The following SETD7 variants were observed in gnomAD, a reference collection of about 807,000 sequenced individuals.
SETD7 encodes the protein SET domain containing 7, histone lysine methyltransferase, also known as histone-lysine N-methyltransferase SETD7.
In SETD7, 16 loss-of-function variants were observed where a neutral mutation model predicts 41.8. The ratio of observed to expected loss-of-function variants is 0.38; its 90% CI spans 0.26 to 0.58. SETD7 has a LOEUF of 0.58. Ranked by LOEUF, SETD7 falls within the 20% of genes least tolerant of loss-of-function variation. SETD7 has a pLI of 0.64. For missense variants in SETD7, 346 were observed against 459.7 expected, an observed-to-expected ratio of 0.75 and a Z score of 2.26; for synonymous variants, 163 against 169.7, an observed-to-expected ratio of 0.96 and a Z score of 0.31.
chr4:139,542,364 T>G (rs1362593764), intron 2 of SETD7, among the ~76,000 whole-genome samples: 1 of 152,166 alleles, frequency 6.6e-6, no homozygotes, highest in Non-Finnish European at 1.5e-5. Flanking sequence ...AGTAATATAT[T>G]GTATACTTCA....
intron 4 of SETD7, among the ~76,000 whole-genome samples, chr4:139,523,799 C>T (rs1324467420): frequency 6.6e-6 from 1 of 152,176 alleles, no homozygotes; most frequent in Non-Finnish European, 1.5e-5. Flanking sequence ...TGGTGGTTTT[C>T]TTCATTACAG....
In SETD7 at chr4:139,536,319, A is replaced by C. The variant is rs193267969; in HGVS notation, c.171-2953T>G. 3.8e-3 allele frequency among the ~76,000 whole-genome samples: 577 copies of C among 152,358 alleles called. 2 individuals are homozygous for C. The highest frequency in any genetic ancestry group is 5.9e-3 in the Non-Finnish European group (399 of 68,038). Reference sequence around the variant, plus strand: ...CCTTAAGGCCAGCCGGGGGAAAAAAAGTTATGATTTTTTTTCTTTTCTTTT... The same window carrying C: ...CCTTAAGGCCAGCCGGGGGAAAAAACGTTATGATTTTTTTTCTTTTCTTTT... On this transcript the variant is annotated intron_variant, in intron 2 of 7. Transcript: ENST00000274031.
chr4:139,493,343 C>T (rs948582837), downstream of SETD7, among the ~76,000 whole-genome samples: 2 of 152,022 alleles, frequency 1.3e-5, 1 homozygote, highest in African/African-American at 4.8e-5. Context: ...GGTATAAAGG[C>T]CTGGATCCAG....
intron 4 of SETD7, among the ~76,000 whole-genome samples, chr4:139,527,552 T>C (rs948487435): frequency 6.6e-6 from 1 of 152,158 alleles, no homozygotes; most frequent in Non-Finnish European, 1.5e-5. Context: ...AGTGAAATCC[T>C]GTCCCTTAAA....
rs1386853176 is a variant in SETD7 at position 139,517,914 on chromosome 4, G to A, written c.891C>T (p.His297=). 6.2e-7 allele frequency: 1 copy of A among 1,613,842 alleles called. No homozygotes were observed. Among genetic ancestry groups the A allele is most frequent in the South Asian group, 1.1e-5 (1 of 91,034 alleles). ...CGTAGATGCAGTTTGGAGTGAAGGA[G>A]TGATTTGCCTTGTGTCCCAAGGAGG... ...YCASLGHKAN[H]SFTPNCIYDM... The change falls in exon 7 of 8, where the codon CAC becomes CAT. Residue 297 remains histidine, a synonymous_variant. Transcript: ENST00000274031.
rs754990794 is a variant in SETD7 at position 139,533,231 on chromosome 4, C to T, written c.306G>A (p.Gly102=). The T allele has an allele frequency of 6.2e-7, 1 of 1,614,202 alleles. No homozygotes were observed. Among genetic ancestry groups the T allele is most frequent in the East Asian group, 2.2e-5 (1 of 44,882 alleles). ...TATACTGCCCCTTGAAGATCAGTCT[C>T]CCATCTGTGTCATATTCCTGGGCTG... ...NGPAQEYDTD[G]RLIFKGQYKD... is the part of the protein sequence containing the mutation. The change falls in exon 3 of 8, where the codon GGG becomes GGA. Residue 102 remains glycine (G), a synonymous_variant. Transcript: ENST00000274031.
intron 5 of SETD7, among the ~76,000 whole-genome samples, chr4:139,522,311 C>T (rs116717780): frequency 0.014 from 2,058 of 152,216 alleles, 23 homozygotes; most frequent in Non-Finnish European, 0.022. Context: ...TCAGATAGTA[C>T]GCTTATTCAT....
intron 3 of SETD7, among the ~76,000 whole-genome samples, chr4:139,529,937 C>G: frequency 6.6e-6 from 1 of 152,178 alleles, no homozygotes; most frequent in Admixed American, 6.5e-5. Context: ...CTCTTGCCTC[C>G]TTTTAGCAGA....
chr4:139,516,318 T>C (rs1399503233), intron 7 of SETD7, among the ~76,000 whole-genome samples: 1 of 151,710 alleles, frequency 6.6e-6, no homozygotes, highest in Non-Finnish European at 1.5e-5. Context: ...ATACAACAAT[T>C]AGCCATGCAT....
At chr4:139,547,472 GT>G (rs1727996460) in intron 1 of SETD7, among the ~76,000 whole-genome samples, 2 of 152,130 alleles carry the variant, frequency 1.3e-5, no homozygotes, top group Non-Finnish European at 2.9e-5. Context: ...AGATTCCACT[GT>G]TTTATAGTCA....
chr4:139,553,672 T>G (rs1035249159), intron 1 of SETD7, among the ~76,000 whole-genome samples: 1 of 152,150 alleles, frequency 6.6e-6, no homozygotes, highest in Non-Finnish European at 1.5e-5. Flanking sequence ...TAAGACTGAA[T>G]GGATAATGTC....
intron 7 of SETD7, 22 bp downstream of exon 7, chr4:139,517,863 A>G (rs1408833417): frequency 1.2e-6 from 2 of 1,602,358 alleles, no homozygotes; most frequent in Non-Finnish European, 8.5e-7. Context: ...GATCCGCCCC[A>G]GCAGCTCTGG....
In SETD7 at chr4:139,555,608, T is replaced by TA. The variant is rs1019887705; in HGVS notation, c.40+489dup. ...GCCCCGTGCGCTGCGCCGGGGGACC[T>TA]ACCCGGACGGGGCCGCGGCCGCCGC... On this transcript the variant is annotated intron_variant, in intron 1 of 7. Transcript: ENST00000274031. The surrounding 1 kb of genome is among the most constrained non-coding windows in gnomAD (Gnocchi z 4.0). 4.6e-5 allele frequency among the ~76,000 whole-genome samples: 7 copies of TA among 151,808 alleles called. No individual in the cohort carries two copies. The highest frequency in any genetic ancestry group is 1.7e-4 in the African/African-American group (7 of 41,370).
chr4:139,544,392 C>A (rs1038890849), intron 2 of SETD7, among the ~76,000 whole-genome samples: 1 of 152,068 alleles, frequency 6.6e-6, no homozygotes, highest in African/African-American at 2.4e-5. Context: ...GTATTTCTAG[C>A]CTATAGATAG....
chr4:139,503,157 G>A (rs959016290), downstream of SETD7, among the ~76,000 whole-genome samples: 1 of 120,294 alleles, frequency 8.3e-6, no homozygotes, highest in Admixed American at 1.2e-4. Context: ...CAGTATGGGC[G>A]ACAGAGTGAG....
intron 2 of SETD7, among the ~76,000 whole-genome samples, chr4:139,540,630 G>A (rs1727755009): frequency 6.6e-6 from 1 of 152,184 alleles, no homozygotes; most frequent in Admixed American, 6.5e-5. Flanking sequence ...TTGTTATGAA[G>A]ACCACGTGTC....
chr4:139,548,973 TC>T (rs528899500), intron 1 of SETD7, among the ~76,000 whole-genome samples: 4 of 152,172 alleles, frequency 2.6e-5, no homozygotes, highest in Non-Finnish European at 5.9e-5. Flanking sequence ...TTTCTAAATA[TC>T]TGATGCCATT....
At chr4:139,536,517 C>G (rs7441434) in intron 2 of SETD7, among the ~76,000 whole-genome samples, 151,222 of 152,266 alleles carry the variant, frequency 0.99, 75,105 homozygotes, top group Middle Eastern at 1. Flanking sequence ...TTTAAGACTA[C>G]CCTGGCCAAC....
intron 7 of SETD7, among the ~76,000 whole-genome samples, chr4:139,514,944 T>A (rs1726982920): frequency 6.6e-6 from 1 of 152,132 alleles, no homozygotes; most frequent in Admixed American, 6.5e-5. Flanking sequence ...GGCAGGTGGA[T>A]CACATGAGGT....
Sources: allele counts gnomAD v4.1 joint callset (sites outside exome capture counted in the v4.1 genomes callset), GRCh38; gene constraint gnomAD v4.1.1; non-coding constraint Gnocchi (gnomAD v3.1); transcripts MANE v1.5; gene names NCBI Gene and HGNC (gene_info 2026-07-23, HGNC 2026-07-21).